The following ADGRG7 variants were observed in gnomAD, a reference collection of about 807,000 sequenced individuals.
ADGRG7 encodes the protein adhesion G protein-coupled receptor G7, also known as G-protein coupled receptor 128.
ADGRG7 carries 82 observed loss-of-function variants against 88.6 expected under a neutral mutation model. The observed-to-expected ratio is 0.93, with a 90% CI of 0.77 to 1.11. The LOEUF (loss-of-function observed/expected upper bound fraction) is 1.11, where lower values mean the gene tolerates loss of function less well. ADGRG7 is among the 50% of genes most tolerant of loss of function. The pLI, the probability that ADGRG7 is intolerant of heterozygous loss-of-function variation, is 0.00. For synonymous variants in ADGRG7, 381 were observed against 345.2 expected (o/e 1.10, Z -1.15); for missense variants, 945 against 953.4 (o/e 0.99, Z 0.12).
intron 13 of ADGRG7, 34 bp from the exon 14 acceptor site, chr3:100,659,654 A>G: frequency 6.2e-7 from 1 of 1,604,514 alleles, no homozygotes; most frequent in Non-Finnish European, 8.5e-7. Flanking sequence ...TACCTTTCTT[A>G]GTCTGCTGAA....
intron 1 of ADGRG7, among the ~76,000 whole-genome samples, chr3:100,619,360 A>G (rs1468420353): frequency 2.6e-5 from 4 of 152,194 alleles, no homozygotes; most frequent in Admixed American, 2.6e-4. Flanking sequence ...TGAAACCAAC[A>G]AGAACAAAGA....
intron 15 of ADGRG7, among the ~76,000 whole-genome samples, chr3:100,682,700 C>G (rs548790340): frequency 6.6e-6 from 1 of 152,132 alleles, no homozygotes; most frequent in Non-Finnish European, 1.5e-5. Flanking sequence ...GAGGCTGGCC[C>G]GGGCCCAGCG....
chr3:100,679,960 T>G (rs958017577), intron 15 of ADGRG7, among the ~76,000 whole-genome samples: 1 of 152,214 alleles, frequency 6.6e-6, no homozygotes, highest in African/African-American at 2.4e-5. Flanking sequence ...GAAGAAAATG[T>G]GTATTCTGTA....
intron 13 of ADGRG7, among the ~76,000 whole-genome samples, chr3:100,657,423 G>A (rs1440173374): frequency 2.6e-5 from 4 of 152,196 alleles, no homozygotes; most frequent in African/African-American, 4.8e-5. Flanking sequence ...GTTACCTGAA[G>A]TACTGCTGTG....
chr3:100,675,545 C>T (rs2094963977), intron 15 of ADGRG7, among the ~76,000 whole-genome samples: 1 of 151,970 alleles, frequency 6.6e-6, no homozygotes, highest in African/African-American at 2.4e-5. Flanking sequence ...ATGCATTGGC[C>T]TGTAGTTTCT....
In ADGRG7 at chr3:100,629,635, C is replaced by T. The variant is rs1707431381; in HGVS notation, c.153C>T (p.Phe51=). The T allele has an allele frequency of 6.2e-7, 1 of 1,613,180 alleles. No individual in the cohort carries two copies. The highest frequency in any genetic ancestry group is 1.3e-5 in the African/African-American group (1 of 74,850). Residue 51 remains phenylalanine (F), a synonymous_variant, in exon 2 of 16, where the codon TTC becomes TTT. Transcript: ENST00000273352. ...STSSSSTPTE[F]CRNGGTWENG... is the part of the protein sequence containing the mutation. The stretch of plus-strand genomic sequence containing the variant: ...CCTCATCAAGCACCCCTACAGAGTT[C>T]TGCAGGAATGGTGGAACCTGGGAAA...
At chr3:100,693,820 T>G (rs945146297) in intron 15 of ADGRG7, among the ~76,000 whole-genome samples, 4 of 152,224 alleles carry the variant, frequency 2.6e-5, no homozygotes, top group Admixed American at 2.6e-4. Context: ...ATTATCAACT[T>G]AACTACAGAT....
Position 100,643,272 on chromosome 3 carries a change from T to G in ADGRG7, c.705T>G (p.Ile235Met), listed in dbSNP as rs1707675745. ...TANDDALTTLIEQMETYSLSL... is the reference protein window; with the variant it reads ...TANDDALTTLMEQMETYSLSL... ...TGTGTTTTATTATATGCAGGCTTAT[T>G]GAGCAAATGGAGACTTATTCCTTGT... The change falls in exon 7 of 16, where the codon ATT becomes ATG. Residue 235 changes from isoleucine to methionine, a missense_variant. Physicochemically the swap from Ile to Met is conservative, Grantham distance 10. Transcript: ENST00000273352. 1 of 1,612,962 alleles carries G rather than the reference T, an allele frequency of 6.2e-7. No homozygotes were observed. Among genetic ancestry groups the G allele is most frequent in the East Asian group, 2.2e-5 (1 of 44,858 alleles).
intron 10 of ADGRG7, among the ~76,000 whole-genome samples, chr3:100,648,973 G>A (rs1402063855): frequency 6.6e-6 from 1 of 151,878 alleles, no homozygotes; most frequent in African/African-American, 2.4e-5. Context: ...ATAAAAATAA[G>A]GCTTCCTTTA....
chr3:100,677,960 C>T (rs1324515267), intron 15 of ADGRG7, among the ~76,000 whole-genome samples: 1 of 152,008 alleles, frequency 6.6e-6, no homozygotes, highest in Non-Finnish European at 1.5e-5. Context: ...GCATTGATAT[C>T]TTTCTCTAGG....
At chr3:100,681,305 CTTTTT>C (rs1187481511) in intron 15 of ADGRG7, among the ~76,000 whole-genome samples, 1 of 134,034 alleles carries the variant, frequency 7.5e-6, no homozygotes, top group Non-Finnish European at 1.6e-5. Flanking sequence ...CTTTTCTTTT[CTTTTT>C]TTTTTTTTTC....
intron 1 of ADGRG7, among the ~76,000 whole-genome samples, chr3:100,615,603 C>T (rs1707214151): frequency 1.3e-5 from 2 of 152,146 alleles, no homozygotes; most frequent in Admixed American, 1.3e-4. Flanking sequence ...GCAAATTACT[C>T]CTTAACTTTA....
chr3:100,630,859 A>G, intron 3 of ADGRG7, 50 bp downstream of exon 3: 3 of 1,030,832 alleles, frequency 2.9e-6, no homozygotes, highest in Non-Finnish European at 2.8e-6. Flanking sequence ...TACTATGCTG[A>G]GTCATACCTC....
rs1414090890 is a variant in ADGRG7, at chr3:100,629,725, G to A, written c.229+14G>A. On this transcript the variant is annotated intron_variant, in intron 2 of 15. Coordinates refer to ENST00000273352, the MANE Select transcript of ADGRG7 (RefSeq NM_032787.3). ...GATGTACAATTGGTAAATTACTTGGGATAATGCTAAAGTGTAAGGTTTACG... is the reference window on the plus strand; with the variant it reads ...GATGTACAATTGGTAAATTACTTGGAATAATGCTAAAGTGTAAGGTTTACG... The A allele has an allele frequency of 5.9e-6, 9 of 1,525,896 alleles. No homozygotes were observed. Among genetic ancestry groups the A allele is most frequent in the Admixed American group, 1.7e-5 (1 of 59,774 alleles). The allele number at this position is 1,525,896 out of a possible 1,614,324, so 94.5% of individuals were successfully genotyped here.
At chr3:100,654,731 C>T (rs764465317) in intron 11 of ADGRG7, 104 bp from the exon 12 acceptor site, 41 of 689,278 alleles carry the variant, frequency 5.9e-5, no homozygotes, top group Non-Finnish European at 8.9e-5. Flanking sequence ...ACTGAACTTA[C>T]ATTGGGCAAT....
Position 100,687,815 on chromosome 3 carries a change from C to A in ADGRG7, c.2137-6929C>A, listed in dbSNP as rs550322318. ...TGAGGATTTTTGCATCGATGTTCAT[C>A]AGGGATATTGGTCTAAAATTCTCTT... On this transcript the variant is annotated intron_variant, in intron 15 of 15. Transcript: ENST00000273352. 3.3e-3 allele frequency among the ~76,000 whole-genome samples: 502 copies of A among 152,264 alleles called. 4 individuals carry two copies. Among genetic ancestry groups the A allele is most frequent in the African/African-American group, 9.5e-3 (396 of 41,556 alleles).
chr3:100,624,501 T>C (rs1423155651), intron 1 of ADGRG7, among the ~76,000 whole-genome samples: 2 of 152,230 alleles, frequency 1.3e-5, no homozygotes, highest in East Asian at 3.8e-4. Context: ...TTCATTCTGA[T>C]AACAGTTTAT....
chr3:100,640,936 C>T (rs1350336666), intron 6 of ADGRG7, among the ~76,000 whole-genome samples: 1 of 152,166 alleles, frequency 6.6e-6, no homozygotes, highest in Non-Finnish European at 1.5e-5. Flanking sequence ...TGCAAAATGC[C>T]TCCCTAGCAC....
At chr3:100,620,519 C>T (rs1707296291) in intron 1 of ADGRG7, among the ~76,000 whole-genome samples, 1 of 152,194 alleles carries the variant, frequency 6.6e-6, no homozygotes, top group Non-Finnish European at 1.5e-5. Context: ...TGCCCTGTGT[C>T]ACCACTCCTA....
Sources: gnomAD v4.1 joint callset for allele counts (sites outside exome capture counted in the v4.1 genomes callset) on GRCh38, gnomAD v4.1.1 for gene constraint, MANE v1.5 for transcripts, NCBI Gene and HGNC (gene_info 2026-07-23, HGNC 2026-07-21) for gene names.